The following CHGB variants were observed in gnomAD, a reference collection of about 807,000 sequenced individuals.
CHGB encodes the protein chromogranin B, also known as secretogranin-1.
A neutral mutation model predicts 69.9 loss-of-function variants in CHGB; 46 were observed. The observed-to-expected ratio is 0.66, with a 90% CI of 0.52 to 0.84. CHGB has a LOEUF of 0.84. Ranked by LOEUF, CHGB falls within the 40% of genes least tolerant of loss-of-function variation. CHGB has a pLI of 0.00. For missense variants in CHGB, 796 were observed against 822.2 expected (o/e 0.97, Z 0.39); for synonymous variants, 312 against 298.2 (o/e 1.05, Z -0.48).
intron 3 of CHGB, among the ~76,000 whole-genome samples, chr20:5,919,296 A>G (rs757042244): frequency 6.6e-6 from 1 of 152,212 alleles, no homozygotes; most frequent in Admixed American, 6.5e-5. Flanking sequence ...AGAGAGACGT[A>G]GGGAAACTGG....
chr20:5,920,933 T>C (rs1439930539), intron 3 of CHGB, among the ~76,000 whole-genome samples: 1 of 152,252 alleles, frequency 6.6e-6, no homozygotes, highest in Non-Finnish European at 1.5e-5. Context: ...TTCTTGGACA[T>C]TTTTACAAAA....
In CHGB at chr20:5,916,815, T is replaced by A. The variant is rs765342480; in HGVS notation, c.97-11T>A. 1.2e-6 allele frequency: 2 copies of A among 1,614,032 alleles called. No individual in the cohort carries two copies. The highest frequency in any genetic ancestry group is 1.1e-5 in the South Asian group (1 of 91,076). ...CCAGCTTCTCCAACCTGCTTTCGGGTTTCCCCCCAGGTGACTCGCTGCATC... is the reference window on the plus strand; with the variant it reads ...CCAGCTTCTCCAACCTGCTTTCGGGATTCCCCCCAGGTGACTCGCTGCATC... On this transcript the variant is annotated splice_polypyrimidine_tract_variant and intron_variant, in intron 2 of 4. Transcript: ENST00000378961.
chr20:5,918,243 G>A (rs1244839856), intron 3 of CHGB, among the ~76,000 whole-genome samples: 2 of 151,332 alleles, frequency 1.3e-5, no homozygotes, highest in African/African-American at 4.9e-5. Context: ...CTAGTTGGGT[G>A]TGGTGGCGGG....
intron 3 of CHGB, among the ~76,000 whole-genome samples, chr20:5,918,876 G>A (rs1433307054): frequency 6.8e-6 from 1 of 148,072 alleles, no homozygotes; most frequent in Non-Finnish European, 1.5e-5. Flanking sequence ...ATCTTTGGGG[G>A]CTTCAGGTAA....
chr20:5,918,148 T>TAAAAAA (rs10647882), intron 3 of CHGB, among the ~76,000 whole-genome samples: 39 of 86,060 alleles, frequency 4.5e-4, no homozygotes, highest in Admixed American at 5.2e-4. Flanking sequence ...AGACTCCATC[T>TAAAAAA]AAAAAAAAAA....
At chr20:5,921,808 C>T (rs2088515413) in intron 3 of CHGB, among the ~76,000 whole-genome samples, 1 of 152,184 alleles carries the variant, frequency 6.6e-6, no homozygotes, top group African/African-American at 2.4e-5. Context: ...CTAATAATTT[C>T]AAATGTTTAA....
chr20:5,924,869 C>T, intron 4 of CHGB, 103 bp from the exon 5 acceptor site: 1 of 658,108 alleles, frequency 1.5e-6, no homozygotes, highest in Non-Finnish European at 2.7e-6. Flanking sequence ...ACTAATGCAG[C>T]TTCTAACATG....
rs1481133263 is a variant in CHGB at position 5,922,554 on chromosome 20, C to T, written c.410C>T (p.Pro137Leu). 3.1e-6 allele frequency: 5 copies of T among 1,613,496 alleles called. No homozygotes were observed. In the Middle Eastern group the frequency reaches 4.9e-4, roughly 160 times the overall value. Residue 137 changes from proline (P) to leucine (L), a missense_variant, in exon 4 of 5, where the codon CCC becomes CTC. Pro to Leu is a moderately conservative substitution (Grantham distance 98). Transcript: ENST00000378961. ...GGHSRERADEPQWSLYPSDSQ... is the reference protein window; with the variant it reads ...GGHSRERADELQWSLYPSDSQ... ...CACAGCCGAGAGCGAGCGGATGAGC[C>T]CCAGTGGAGCCTCTATCCCTCCGAC...
rs2088542956 is a variant in CHGB at position 5,925,187 on chromosome 20, G to A, written c.*138G>A. The A allele has an allele frequency of 3.7e-6, 2 of 546,996 alleles. No individual in the cohort carries two copies. The highest frequency in any genetic ancestry group is 6.4e-5 in the East Asian group (2 of 31,482). The allele number at this position is 546,996 out of a possible 1,614,324, so 33.9% of individuals were successfully genotyped here. ...ATTCATTAAATGTTTGACACAATTG[G>A]AATTGTCTTTAATTTCTGTCAGAAT... On this transcript the variant is annotated 3_prime_UTR_variant, in exon 5 of 5. Transcript: ENST00000378961.
rs978488627 is a variant in CHGB, at chr20:5,914,734, G to A, written c.50-1592G>A. The A allele has an allele frequency of 1.3e-5, 2 of 152,124 alleles. 1 individual carries two copies. Among genetic ancestry groups the A allele is most frequent in the South Asian group, 4.1e-4 (2 of 4,824 alleles). The allele number at this position is 152,124 out of a possible 1,614,324, so 9.4% of individuals were successfully genotyped here. ...GAACAGTTGAGTATATTGGACCTTG[G>A]GTACCAAAAGTGGGCCAACTGGATC... On this transcript the variant is annotated intron_variant, in intron 1 of 4. Coordinates refer to ENST00000378961, the MANE Select transcript of CHGB (RefSeq NM_001819.3).
At position 5,912,678 on chromosome 20, in the gene CHGB, C is replaced by T. The variant is rs144709011; in HGVS notation, c.49+996C>T. ...TGTGTGTTGAAGTCGAGTCACCTAC[C>T]GGTATTGAGATATTGAGACTATTGA... On this transcript the variant is annotated intron_variant, in intron 1 of 4. Coordinates refer to ENST00000378961, the MANE Select transcript of CHGB (RefSeq NM_001819.3). Among the ~76,000 whole-genome samples, 699 of 151,830 alleles carry T rather than the reference C, an allele frequency of 4.6e-3. 6 individuals are homozygous for T. The highest frequency in any genetic ancestry group is 0.015 in the African/African-American group (628 of 41,398).
rs547540364 is a variant in CHGB at position 5,924,254 on chromosome 20, C to T, written c.1956+154C>T. Among the ~76,000 whole-genome samples, 187 of 152,310 alleles carry T rather than the reference C, an allele frequency of 1.2e-3. 2 individuals are homozygous for T. Among genetic ancestry groups the T allele is most frequent in the South Asian group, 2.1e-4 (1 of 4,826 alleles). ...ATGGAGTGGAGGCCACCTTGGGGGT[C>T]GGTTTCCACCTACCTCTAGCCATCG... On this transcript the variant is annotated intron_variant, in intron 4 of 4. Coordinates refer to ENST00000378961, the MANE Select transcript of CHGB (RefSeq NM_001819.3).
chr20:5,920,916 C>T, intron 3 of CHGB, among the ~76,000 whole-genome samples: 1 of 152,188 alleles, frequency 6.6e-6, no homozygotes, highest in East Asian at 1.9e-4. Context: ...TACAGAGAGT[C>T]CACTATTTCT....
At chr20:5,924,161 C>A in intron 4 of CHGB, 61 bp downstream of exon 4, 1 of 1,472,458 alleles carries the variant, frequency 6.8e-7, no homozygotes, top group South Asian at 1.4e-5. Flanking sequence ...ACATTATGTT[C>A]AAGACTATCC....
At chr20:5,921,538 G>A (rs2088513992) in intron 3 of CHGB, among the ~76,000 whole-genome samples, 1 of 152,230 alleles carries the variant, frequency 6.6e-6, no homozygotes, top group Non-Finnish European at 1.5e-5. Flanking sequence ...GACGAGAACA[G>A]CATTCAATTA....
At position 5,911,659 on chromosome 20, in the gene CHGB, T is replaced by C; in HGVS notation, c.26T>C (p.Leu9Pro). 6.7e-7 allele frequency: 1 copy of C among 1,501,120 alleles called. No homozygotes were observed. The allele number at this position is 1,501,120 out of a possible 1,614,324, so 93.0% of individuals were successfully genotyped here. Reference sequence around the variant, plus strand: ...ATGCAGCCAACGCTGCTTCTCAGCCTCCTGGGAGCCGTGGGGCTGGCGGGT... The same window carrying C: ...ATGCAGCCAACGCTGCTTCTCAGCCCCCTGGGAGCCGTGGGGCTGGCGGGT... MQPTLLLS[L>P]LGAVGLAAVN... Residue 9 changes from leucine (L) to proline (P), a missense_variant, in exon 1 of 5, where the codon CTC (leucine) becomes CCC (proline). Leu to Pro is a moderately conservative substitution (Grantham distance 98). Around this residue, in one of 3 missense-constraint regions of CHGB, gnomAD observed 518 missense variants for 506.3 expected, o/e 1.02. Transcript: ENST00000378961.
In CHGB at chr20:5,916,938, A is replaced by T; in HGVS notation, c.190+19A>T. The T allele has an allele frequency of 6.2e-7, 1 of 1,611,292 alleles. No individual in the cohort carries two copies. The highest frequency in any genetic ancestry group is 8.5e-7 in the Non-Finnish European group (1 of 1,177,376). ...AAGACGAGTAAGTGTCCCACACGGC[A>T]GGCAGATCTTGGTCACTGCAGTGAT... On this transcript the variant is annotated intron_variant, in intron 3 of 4. Coordinates refer to ENST00000378961, the MANE Select transcript of CHGB (RefSeq NM_001819.3).
intron 1 of CHGB, among the ~76,000 whole-genome samples, chr20:5,912,890 G>C (rs907375011): frequency 6.6e-6 from 1 of 151,888 alleles, no homozygotes; most frequent in Non-Finnish European, 1.5e-5. Flanking sequence ...AAAGCCAGTC[G>C]TAATTAATTT....
chr20:5,919,770 C>T (rs1445921736), intron 3 of CHGB, among the ~76,000 whole-genome samples: 1 of 152,166 alleles, frequency 6.6e-6, no homozygotes, highest in Non-Finnish European at 1.5e-5. Context: ...ACTGGTGGAG[C>T]TTTTGCCCAA....
Sources: allele counts gnomAD v4.1 joint callset (sites outside exome capture counted in the v4.1 genomes callset), GRCh38; gene constraint gnomAD v4.1.1; regional missense constraint gnomAD v4.1.1; transcripts MANE v1.5; gene names NCBI Gene and HGNC (gene_info 2026-07-23, HGNC 2026-07-21).